MKRN1: variants seen among roughly 807,000 people sequenced by gnomAD.
MKRN1 encodes makorin ring finger protein 1, also known as E3 ubiquitin-protein ligase makorin-1.
MKRN1 carries 9 observed loss-of-function variants against 55.5 expected under a neutral mutation model. The observed-to-expected ratio is 0.16, with a 90% CI of 0.10 to 0.28. The LOEUF (loss-of-function observed/expected upper bound fraction) is 0.28. Among genes scored for constraint, MKRN1 ranks in the 10% least tolerant of loss-of-function variants. MKRN1 has a pLI of 1.00. For missense variants in MKRN1, 488 were observed against 626.7 expected (o/e 0.78, Z 2.36); for synonymous variants, 253 against 235.9 (o/e 1.07, Z -0.66).
At chr7:140,478,924 C>T in intron 1 of MKRN1, 1 of 385,224 alleles carries the variant, frequency 2.6e-6, no homozygotes, top group Non-Finnish European at 4.3e-6. Context: ...AGTAATCGCG[C>T]ACCGCCAGGC....
At chr7:140,471,319 G>C (rs1338108359) in intron 2 of MKRN1, among the ~76,000 whole-genome samples, 1 of 151,966 alleles carries the variant, frequency 6.6e-6, no homozygotes, top group Non-Finnish European at 1.5e-5. Context: ...TGAGGCTGCA[G>C]TGAGAAGTGA....
intron 1 of MKRN1, among the ~76,000 whole-genome samples, chr7:140,477,256 T>C (rs1795150857): frequency 6.6e-6 from 1 of 152,044 alleles, no homozygotes; most frequent in Admixed American, 6.6e-5. Context: ...TAAAAAACTG[T>C]CTCAAGCAAA....
intron 2 of MKRN1, among the ~76,000 whole-genome samples, chr7:140,470,559 T>C (rs1794895748): frequency 6.6e-6 from 1 of 151,928 alleles, no homozygotes; most frequent in Non-Finnish European, 1.5e-5. Flanking sequence ...CACTCCAGCC[T>C]GGGCGACAAG....
At chr7:140,462,813 A>C (rs1794661355) in intron 2 of MKRN1, among the ~76,000 whole-genome samples, 1 of 152,052 alleles carries the variant, frequency 6.6e-6, no homozygotes, top group Non-Finnish European at 1.5e-5. Context: ...AAAATACAAA[A>C]AAATTAGCCG....
chr7:140,471,671 G>C (rs1794931297), intron 2 of MKRN1, among the ~76,000 whole-genome samples: 1 of 152,070 alleles, frequency 6.6e-6, no homozygotes, highest in African/African-American at 2.4e-5. Flanking sequence ...GGTCTCACTA[G>C]GTTACCCAGG....
Position 140,479,204 on chromosome 7 carries a change from G to T in MKRN1, c.141C>A (p.Gly47=). Residue 47 remains glycine, a synonymous_variant, in exon 1 of 8, where the codon GGC becomes GGA. Transcript: ENST00000255977. ...PSLGAGGGGG[G]SDGSGGGWTK... is the part of the protein sequence containing the mutation. ...TCCAGCCGCCGCCGCTGCCGTCGCT[G>T]CCGCCGCCCCCTCCGCCCGCCCCCA... 6.8e-7 allele frequency: 1 copy of T among 1,464,908 alleles called. No individual in the cohort carries two copies. The highest frequency in any genetic ancestry group is 9.0e-7 in the Non-Finnish European group (1 of 1,109,090). 90.7% of individuals were successfully genotyped at this position (1,464,908 alleles called of 1,614,324 possible). A position where few individuals can be genotyped will look rare whatever the true frequency, so the allele number is the denominator to read the frequency against.
At chr7:140,456,144 G>T in intron 5 of MKRN1, 9 of 1,133,886 alleles carry the variant, frequency 7.9e-6, no homozygotes, top group East Asian at 3.4e-5. Context: ...ATATAACTTA[G>T]GTAAAAAACA....
chr7:140,476,348 C>G (rs1236489243), intron 1 of MKRN1, among the ~76,000 whole-genome samples: 1 of 151,336 alleles, frequency 6.6e-6, no homozygotes, highest in Middle Eastern at 3.4e-3. Context: ...TGTGGCCGGG[C>G]GTAATCCCAC....
Position 140,479,473 on chromosome 7 carries a change from C to A in MKRN1, c.-129G>T. 3.1e-6 allele frequency: 3 copies of A among 968,696 alleles called. No individual in the cohort carries two copies. Among genetic ancestry groups the A allele is most frequent in the Non-Finnish European group, 4.0e-6 (3 of 743,476 alleles). The allele number at this position is 968,696 out of a possible 1,614,324, so 60.0% of individuals were successfully genotyped here. On this transcript the variant is annotated 5_prime_UTR_variant, in exon 1 of 8. Coordinates refer to ENST00000255977, the MANE Select transcript of MKRN1 (RefSeq NM_013446.4). ...GACACTGAGGCACCCGTTCGGTCCCCGCCTGCTACGCGTCGCGTATCTGAG... is the reference window on the plus strand; with the variant it reads ...GACACTGAGGCACCCGTTCGGTCCCAGCCTGCTACGCGTCGCGTATCTGAG...
At position 140,479,443 on chromosome 7, in the gene MKRN1, G is replaced by A; in HGVS notation, c.-99C>T. On this transcript the variant is annotated 5_prime_UTR_variant, in exon 1 of 8. Coordinates refer to ENST00000255977, the MANE Select transcript of MKRN1 (RefSeq NM_013446.4). The stretch of plus-strand genomic sequence containing the variant: ...GACGGCGAGGCCAGGCGAGGGGAGG[G>A]GAAGGACACTGAGGCACCCGTTCGG... The A allele has an allele frequency of 8.3e-7, 1 of 1,198,188 alleles. No individual in the cohort carries two copies. Among genetic ancestry groups the A allele is most frequent in the South Asian group, 3.6e-5 (1 of 27,920 alleles). The allele number at this position is 1,198,188 out of a possible 1,614,324, so 74.2% of individuals were successfully genotyped here.
At chr7:140,467,143 A>G (rs1350322306) in intron 2 of MKRN1, among the ~76,000 whole-genome samples, 1 of 151,784 alleles carries the variant, frequency 6.6e-6, no homozygotes, top group African/African-American at 2.4e-5. Flanking sequence ...ATGCTTGGGT[A>G]ATTTTGTATT....
Position 140,459,732 on chromosome 7 carries a change from A to G in MKRN1, c.519T>C (p.Val173=). ...SEDWVNAIEF[V]PGQPYCGRTA... is the part of the protein sequence containing the mutation. Reference sequence around the variant, plus strand: ...TACGGCCACAGTAGGGTTGCCCAGGAACAAACTCAATAGCATTCACCCAGT... The same window carrying G: ...TACGGCCACAGTAGGGTTGCCCAGGGACAAACTCAATAGCATTCACCCAGT... Residue 173 remains valine, a synonymous_variant, in exon 3 of 8, where the codon GTT becomes GTC. Transcript: ENST00000255977. The G allele has an allele frequency of 1.9e-6, 3 of 1,613,966 alleles. No individual in the cohort carries two copies. The highest frequency in any genetic ancestry group is 2.5e-6 in the Non-Finnish European group (3 of 1,179,876).
At chr7:140,466,518 C>G (rs1342074822) in intron 2 of MKRN1, among the ~76,000 whole-genome samples, 2 of 152,130 alleles carry the variant, frequency 1.3e-5, no homozygotes, top group African/African-American at 4.8e-5. Flanking sequence ...AATAAAAAAA[C>G]TTAAGGCCGG....
Position 140,479,470 on chromosome 7 carries a change from C to A in MKRN1, c.-126G>T. ...AAGGACACTGAGGCACCCGTTCGGT[C>A]CCCGCCTGCTACGCGTCGCGTATCT... On this transcript the variant is annotated 5_prime_UTR_variant, in exon 1 of 8. Coordinates refer to ENST00000255977, the MANE Select transcript of MKRN1 (RefSeq NM_013446.4). The A allele has an allele frequency of 1.0e-6, 1 of 1,003,800 alleles. No individual in the cohort carries two copies. Among genetic ancestry groups the A allele is most frequent in the Non-Finnish European group, 1.3e-6 (1 of 777,010 alleles). 62.2% of individuals were successfully genotyped at this position (1,003,800 alleles called of 1,614,324 possible).
Position 140,459,769 on chromosome 7 carries a change from G to C in MKRN1, c.482C>G (p.Ala161Gly). The change falls in exon 3 of 8, where the codon GCA (alanine) becomes GGA (glycine). Residue 161 changes from alanine to glycine, a missense_variant. Coordinates refer to ENST00000255977, the MANE Select transcript of MKRN1 (RefSeq NM_013446.4). ...AGCATTCACCCAGTCCTCTGAACCTGCTCCTACAGTTGCAAAGTTTGAATT... is the reference window on the plus strand; with the variant it reads ...AGCATTCACCCAGTCCTCTGAACCTCCTCCTACAGTTGCAAAGTTTGAATT... ...SRNSNFATVG[A>G]GSEDWVNAIE... 6.2e-7 allele frequency: 1 copy of C among 1,613,894 alleles called. No homozygotes were observed. The highest frequency in any genetic ancestry group is 8.5e-7 in the Non-Finnish European group (1 of 1,179,870).
intron 2 of MKRN1, 43 bp downstream of exon 2, chr7:140,471,840 T>C: frequency 6.3e-7 from 1 of 1,599,596 alleles, no homozygotes; most frequent in African/African-American, 1.3e-5. Context: ...TTTACCTTTT[T>C]CCTCCAACCC....
chr7:140,464,090 T>G (rs1198867876), intron 2 of MKRN1, among the ~76,000 whole-genome samples: 2 of 151,948 alleles, frequency 1.3e-5, no homozygotes, highest in East Asian at 4.0e-4. Context: ...AGCTAATTTT[T>G]GTATTTTTAG....
At chr7:140,469,516 G>A (rs1794862152) in intron 2 of MKRN1, among the ~76,000 whole-genome samples, 1 of 152,134 alleles carries the variant, frequency 6.6e-6, no homozygotes. Flanking sequence ...CTGACACTAG[G>A]TCATAAAAGG....
intron 2 of MKRN1, among the ~76,000 whole-genome samples, chr7:140,471,644 A>G (rs760083070): frequency 4.6e-5 from 7 of 152,010 alleles, no homozygotes; most frequent in Non-Finnish European, 1.0e-4. Flanking sequence ...TAATTTTTCT[A>G]TATTTTGTAG....
Sources: allele counts gnomAD v4.1 joint callset (sites outside exome capture counted in the v4.1 genomes callset), GRCh38; gene constraint gnomAD v4.1.1; transcripts MANE v1.5; gene names NCBI Gene and HGNC (gene_info 2026-07-23, HGNC 2026-07-21).